The following RIMBP2 variants were observed in gnomAD, a reference collection of about 807,000 sequenced individuals.
RIMBP2 encodes the protein RIMS-binding protein 2.
A neutral mutation model predicts 118.6 loss-of-function variants in RIMBP2; 48 were observed. The ratio of observed to expected loss-of-function variants is 0.40; its 90% confidence interval spans 0.32 to 0.51. The LOEUF (loss-of-function observed/expected upper bound fraction) is 0.51, where lower values mean the gene tolerates loss of function less well. Among genes scored for constraint, RIMBP2 ranks in the 20% least tolerant of loss-of-function variants. The pLI, the probability that RIMBP2 is intolerant of heterozygous loss-of-function variation, is 0.41. For synonymous variants in RIMBP2, 762 were observed against 742.9 expected (o/e 1.03, Z -0.42); for missense variants, 1,551 against 1,768.3 (o/e 0.88, Z 2.20).
At chr12:130,604,043 C>T (rs2060016088) in intron 2 of RIMBP2, among the ~76,000 whole-genome samples, 2 of 152,266 alleles carry the variant, frequency 1.3e-5, no homozygotes, top group Non-Finnish European at 1.5e-5. Flanking sequence ...CCCTGGAGAC[C>T]TTCCAGCAGG....
intron 2 of RIMBP2, among the ~76,000 whole-genome samples, chr12:130,598,193 C>T (rs1393205069): frequency 6.6e-6 from 1 of 152,056 alleles, no homozygotes; most frequent in Non-Finnish European, 1.5e-5. Context: ...GAATGACTTG[C>T]CAACTGAAAA....
intron 4 of RIMBP2, among the ~76,000 whole-genome samples, chr12:130,480,184 G>T (rs2081840535): frequency 7.5e-6 from 1 of 132,710 alleles, no homozygotes; most frequent in Admixed American, 8.1e-5. Flanking sequence ...GAATTTCATT[G>T]TCATTTCCTT....
chr12:130,646,046 T>TCCACCTCCCTCA lies in RIMBP2; in HGVS notation c.-351-17602_-351-17591dup, dbSNP rs1405745795. Among the ~76,000 whole-genome samples the TCCACCTCCCTCA allele has an allele frequency of 1.6e-4, 18 of 111,618 alleles. 1 individual carries two copies. Among genetic ancestry groups the TCCACCTCCCTCA allele is most frequent in the South Asian group, 1.1e-3 (4 of 3,654 alleles). The allele number at this position is 111,618 out of a possible 152,430, so 73.2% of individuals were successfully genotyped here. Reference sequence around the variant, plus strand: ...CTGTGGTGCGGCAGCCAGTTCCCTCTCCACCTCCCTCACCACCTGCCTCTC... The same window carrying TCCACCTCCCTCA: ...CTGTGGTGCGGCAGCCAGTTCCCTCTCCACCTCCCTCACCACCTCCCTCACCACCTGCCTCTC... On this transcript the variant is annotated intron_variant, in intron 1 of 22. Transcript: ENST00000690449.
In RIMBP2 at chr12:130,454,993, A is replaced by G. The variant is rs61213632; in HGVS notation, c.358+1503T>C. 7.1e-3 allele frequency among the ~76,000 whole-genome samples: 1,078 copies of G among 152,314 alleles called. 12 individuals are homozygous for G. The highest frequency in any genetic ancestry group is 0.023 in the African/African-American group (975 of 41,570). On this transcript the variant is annotated intron_variant, in intron 7 of 22. Coordinates refer to ENST00000690449, the MANE Select transcript of RIMBP2 (RefSeq NM_001393629.1). ...AGCTTGTGCACACCACACAGCTCACACTGAACACCTGCTTTCCTTCCAGGA... is the reference window on the plus strand; with the variant it reads ...AGCTTGTGCACACCACACAGCTCACGCTGAACACCTGCTTTCCTTCCAGGA...
At chr12:130,513,421 G>A (rs745577943) in intron 3 of RIMBP2, among the ~76,000 whole-genome samples, 1 of 152,158 alleles carries the variant, frequency 6.6e-6, no homozygotes, top group African/African-American at 2.4e-5. Context: ...GCACCAGGTG[G>A]AAGAGAAGCT....
chr12:130,504,553 G>C (rs1056286717), intron 4 of RIMBP2, among the ~76,000 whole-genome samples: 5 of 152,152 alleles, frequency 3.3e-5, no homozygotes, highest in African/African-American at 9.7e-5. Context: ...CTTGCAGCTG[G>C]AAAGGCAAGG....
At chr12:130,477,340 G>C (rs1593448253) in intron 5 of RIMBP2, among the ~76,000 whole-genome samples, 1 of 142,032 alleles carries the variant, frequency 7.0e-6, no homozygotes. Context: ...CAGTCTCTGT[G>C]TTTCTACAGA....
intron 2 of RIMBP2, among the ~76,000 whole-genome samples, chr12:130,580,430 G>A (rs771586453): frequency 2.6e-5 from 4 of 152,162 alleles, no homozygotes; most frequent in East Asian, 1.9e-4. Flanking sequence ...CTGCCGCCAC[G>A]TAAGATGTGT....
Position 130,407,718 on chromosome 12 carries a change from G to C in RIMBP2, c.3693+8C>G. ...TGTCCGTCATGAAGTGCAGTGTTTG[G>C]CTGGTACCTCGACATCGACGTTGGG... is the stretch of plus-strand genomic sequence containing the variant. On this transcript the variant is annotated splice_region_variant and intron_variant, in intron 20 of 22. Transcript: ENST00000690449. 1 of 1,609,030 alleles carries C rather than the reference G, an allele frequency of 6.2e-7. No individual in the cohort carries two copies. Among genetic ancestry groups the C allele is most frequent in the African/African-American group, 1.3e-5 (1 of 74,918 alleles).
chr12:130,532,498 C>T (rs2053546262), intron 2 of RIMBP2, among the ~76,000 whole-genome samples: 12 of 143,914 alleles, frequency 8.3e-5, no homozygotes, highest in South Asian at 2.2e-4. Context: ...TAATGAGATG[C>T]GTGTGTTCAG....
chr12:130,651,868 G>A (rs1391404928), intron 1 of RIMBP2, among the ~76,000 whole-genome samples: 1 of 150,630 alleles, frequency 6.6e-6, no homozygotes, highest in Non-Finnish European at 1.5e-5. Context: ...TATAGCTTTT[G>A]GAAAGCTTTT....
intron 2 of RIMBP2, among the ~76,000 whole-genome samples, chr12:130,579,909 G>A (rs1039651407): frequency 3.3e-5 from 5 of 152,064 alleles, no homozygotes; most frequent in Middle Eastern, 3.4e-3. Flanking sequence ...CTCACAGCCT[G>A]GGGCCAAATT....
intron 5 of RIMBP2, among the ~76,000 whole-genome samples, chr12:130,473,988 C>T (rs148908047): frequency 2.4e-4 from 36 of 152,284 alleles, no homozygotes; most frequent in East Asian, 1.7e-3. Flanking sequence ...GTCAAGTCTG[C>T]GGATGAATTA....
chr12:130,428,452 C>G, intron 14 of RIMBP2, 115 bp from the exon 15 acceptor site: 1 of 1,087,296 alleles, frequency 9.2e-7, no homozygotes, highest in East Asian at 2.5e-5. Flanking sequence ...GCTCACAGGC[C>G]TAGAGACGGG....
At chr12:130,501,709 A>C (rs2049803221) in intron 4 of RIMBP2, among the ~76,000 whole-genome samples, 1 of 152,236 alleles carries the variant, frequency 6.6e-6, no homozygotes, top group Non-Finnish European at 1.5e-5. Context: ...CTAGGCGCAC[A>C]GCCTGTGAGG....
At position 130,447,578 on chromosome 12, in the gene RIMBP2, A is replaced by G. The variant is rs1390267989; in HGVS notation, c.582-2309T>C. On this transcript the variant is annotated intron_variant, in intron 9 of 22. Transcript: ENST00000690449. This position sits in a 1 kb window ranked among gnomAD's most constrained non-coding sequence, Gnocchi z 4.4. ...GATCACTGATGGGAATGGGTTCTTG[A>G]GGGGCGATGGGAGACCCCCACATGT... Among the ~76,000 whole-genome samples the G allele has an allele frequency of 6.6e-6, 1 of 151,750 alleles. No homozygotes were observed. The highest frequency in any genetic ancestry group is 1.5e-5 in the Non-Finnish European group (1 of 67,980).
At chr12:130,642,700 G>A (rs1320782435) in intron 1 of RIMBP2, among the ~76,000 whole-genome samples, 1 of 152,182 alleles carries the variant, frequency 6.6e-6, no homozygotes, top group South Asian at 2.1e-4. Flanking sequence ...CACTGTCCAC[G>A]ATGTTTTGCT....
At position 130,396,290 on chromosome 12, in the gene RIMBP2, A is replaced by G. The variant is rs1437859461; in HGVS notation, c.*1071T>C. 6.6e-6 allele frequency: 1 copy of G among 152,670 alleles called. No individual in the cohort carries two copies. Among genetic ancestry groups the G allele is most frequent in the Admixed American group, 6.5e-5 (1 of 15,282 alleles). 9.5% of individuals were successfully genotyped at this position (152,670 alleles called of 1,614,324 possible). ...TTTATAATAGCGTTTTTGAAGACAC[A>G]ATGGGGAAAGCTTTGTCATTCATTT... On this transcript the variant is annotated 3_prime_UTR_variant, in exon 23 of 23. Transcript: ENST00000690449.
chr12:130,535,644 TATAC>T (rs1296659469), intron 2 of RIMBP2, among the ~76,000 whole-genome samples: 4 of 149,858 alleles, frequency 2.7e-5, no homozygotes, highest in South Asian at 2.1e-4. Context: ...TACACATAGA[TATAC>T]ATACATATAC....
Sources: gnomAD v4.1 joint callset for allele counts (sites outside exome capture counted in the v4.1 genomes callset) on GRCh38, gnomAD v4.1.1 for gene constraint, Gnocchi (gnomAD v3.1) non-coding constraint, MANE v1.5 for transcripts, NCBI Gene and HGNC (gene_info 2026-07-23, HGNC 2026-07-21) for gene names.